PTPRN2: variants seen among roughly 807,000 people sequenced by gnomAD.
PTPRN2 encodes the protein receptor-type tyrosine-protein phosphatase N2.
In PTPRN2, 74 loss-of-function variants were observed where a neutral mutation model predicts 118.8. That is an observed-to-expected ratio of 0.62 (90% CI 0.52 to 0.76). The LOEUF is 0.76. PTPRN2 is among the 30% of genes least tolerant of loss of function. The probability of loss-of-function intolerance (pLI) is 0.00; values close to 1 mark genes in which losing one functional copy is unlikely to be tolerated. For missense variants in PTPRN2, 1,481 were observed against 1,394.4 expected (o/e 1.06, Z -0.99); for synonymous variants, 641 against 608.0 (o/e 1.05, Z -0.80).
At chr7:158,243,853 C>G (rs1272427016) in intron 3 of PTPRN2, among the ~76,000 whole-genome samples, 1 of 152,146 alleles carries the variant, frequency 6.6e-6, no homozygotes, top group Non-Finnish European at 1.5e-5. Context: ...CTAAGTACCT[C>G]CTAAATAGCA....
intron 1 of PTPRN2, among the ~76,000 whole-genome samples, chr7:158,561,072 C>G (rs1314791361): frequency 6.6e-6 from 1 of 152,196 alleles, no homozygotes; most frequent in Admixed American, 6.5e-5. Context: ...AGCCCTGTTT[C>G]TAATTTTAGT....
chr7:157,730,868 C>G (rs73744861), intron 12 of PTPRN2, among the ~76,000 whole-genome samples: 1 of 152,304 alleles, frequency 6.6e-6, no homozygotes, highest in African/African-American at 2.4e-5. Context: ...CGCCAGGGAC[C>G]TGGCAGCTCT....
Position 158,251,065 on chromosome 7 carries a change from T to C in PTPRN2, c.278-45792A>G, listed in dbSNP as rs1796623819. On this transcript the variant is annotated intron_variant, in intron 3 of 22. Transcript: ENST00000389418. ...AGACTCTAGGAGACAATTCCCTATCTAGGCTGGCATGAAATCCTAATGCAT... is the reference window on the plus strand; with the variant it reads ...AGACTCTAGGAGACAATTCCCTATCCAGGCTGGCATGAAATCCTAATGCAT... 2.0e-5 allele frequency among the ~76,000 whole-genome samples: 3 copies of C among 152,118 alleles called. No homozygotes were observed. The South Asian group carries it at 6.2e-4, about 32-fold the overall frequency.
At chr7:157,954,639 G>A (rs915673185) in intron 11 of PTPRN2, among the ~76,000 whole-genome samples, 3 of 152,058 alleles carry the variant, frequency 2.0e-5, no homozygotes, top group African/African-American at 7.3e-5. Flanking sequence ...GAGAGGAGTG[G>A]TCTCAGCCGG....
intron 2 of PTPRN2, among the ~76,000 whole-genome samples, chr7:158,391,575 G>A (rs113604188): frequency 7.9e-5 from 12 of 152,168 alleles, no homozygotes; most frequent in Admixed American, 6.5e-5. Context: ...CACCTACCCC[G>A]CAGGAGGAGA....
chr7:157,731,185 A>T (rs1194466831), intron 12 of PTPRN2, among the ~76,000 whole-genome samples: 1 of 152,030 alleles, frequency 6.6e-6, no homozygotes, highest in African/African-American at 2.4e-5. Context: ...ATCACTTCTT[A>T]GCATGCAAAA....
chr7:158,323,343 C>G (rs1485943535), intron 2 of PTPRN2, among the ~76,000 whole-genome samples: 1 of 152,116 alleles, frequency 6.6e-6, no homozygotes, highest in Admixed American at 6.5e-5. Context: ...CAGGGGGCCC[C>G]ACATTTCAGA....
intron 12 of PTPRN2, among the ~76,000 whole-genome samples, chr7:157,709,154 G>T (rs1039543547): frequency 6.6e-6 from 1 of 152,174 alleles, no homozygotes; most frequent in African/African-American, 2.4e-5. Flanking sequence ...CCCATGGCTG[G>T]GTGGGATTTT....
At chr7:158,329,486 G>A (rs1347247522) in intron 2 of PTPRN2, among the ~76,000 whole-genome samples, 1 of 152,144 alleles carries the variant, frequency 6.6e-6, no homozygotes, top group Non-Finnish European at 1.5e-5. Context: ...CCTTACACAG[G>A]CCCCAAGGAC....
At chr7:157,824,470 T>G (rs1807045269) in intron 12 of PTPRN2, among the ~76,000 whole-genome samples, 1 of 152,198 alleles carries the variant, frequency 6.6e-6, no homozygotes, top group Non-Finnish European at 1.5e-5. Flanking sequence ...TGTCCGTGGA[T>G]TCTCTGTGCC....
intron 12 of PTPRN2, among the ~76,000 whole-genome samples, chr7:157,867,974 G>A (rs1036048070): frequency 2.6e-5 from 4 of 152,170 alleles, no homozygotes; most frequent in African/African-American, 9.7e-5. Context: ...AGCCCAAGCT[G>A]CCCAGACTTC....
intron 11 of PTPRN2, among the ~76,000 whole-genome samples, chr7:157,982,123 A>T: frequency 8.0e-6 from 1 of 124,544 alleles, no homozygotes; most frequent in Non-Finnish European, 1.8e-5. Flanking sequence ...AAGGAGGGGA[A>T]TGCAGAGTGC....
chr7:157,939,823 G>A (rs2128789333), intron 11 of PTPRN2, among the ~76,000 whole-genome samples: 1 of 152,318 alleles, frequency 6.6e-6, no homozygotes, highest in African/African-American at 2.4e-5. Context: ...CACCCGAGAA[G>A]GAGAAGGTTG....
intron 10 of PTPRN2, among the ~76,000 whole-genome samples, chr7:158,081,932 A>T (rs1400845902): frequency 1.3e-5 from 2 of 152,220 alleles, no homozygotes; most frequent in African/African-American, 2.4e-5. Context: ...AAAATACCTT[A>T]CTTTTTAAAC....
rs746191349 is a variant in PTPRN2 at position 158,081,342 on chromosome 7, G to A, written c.1679C>T (p.Ala560Val). 2.5e-6 allele frequency: 4 copies of A among 1,614,146 alleles called. No homozygotes were observed. The highest frequency in any genetic ancestry group is 8.5e-7 in the Non-Finnish European group (1 of 1,180,014). ...CTCAGTGGTCACGTTTTGGACATTG[G>A]CGCTCACTTTGAAGGTCACTGCTGG... The part of the protein sequence containing the change: ...LGPAVTFKVS[A>V]NVQNVTTEDV... The change falls in exon 11 of 23, where the codon GCC becomes GTC. Residue 560 changes from alanine (A) to valine (V), a missense_variant. Ala to Val is a moderately conservative substitution (Grantham distance 64). Coordinates refer to ENST00000389418, the MANE Select transcript of PTPRN2 (RefSeq NM_002847.5).
intron 12 of PTPRN2, among the ~76,000 whole-genome samples, chr7:157,771,963 G>GAC (rs1203747007): frequency 8.0e-6 from 1 of 125,032 alleles, no homozygotes; most frequent in African/African-American, 3.7e-5. Flanking sequence ...CATACAGACA[G>GAC]ACACACACAC....
intron 12 of PTPRN2, among the ~76,000 whole-genome samples, chr7:157,883,525 T>C (rs188395854): frequency 7.6e-4 from 99 of 129,876 alleles, no homozygotes; most frequent in African/African-American, 2.9e-3. Context: ...CTGTTGGAGA[T>C]CAGAACACGT....
intron 2 of PTPRN2, among the ~76,000 whole-genome samples, chr7:158,358,195 G>C (rs764143388): frequency 1.3e-5 from 2 of 152,178 alleles, no homozygotes; most frequent in Non-Finnish European, 2.9e-5. Context: ...ACCAACCACA[G>C]GGAGACCTGA....
At chr7:157,879,325 G>T (rs1795981968) in intron 12 of PTPRN2, among the ~76,000 whole-genome samples, 1 of 152,170 alleles carries the variant, frequency 6.6e-6, no homozygotes, top group Non-Finnish European at 1.5e-5. Context: ...CATGAGAACA[G>T]CAGGAACACA....
Sources: allele counts gnomAD v4.1 joint callset (sites outside exome capture counted in the v4.1 genomes callset), GRCh38; gene constraint gnomAD v4.1.1; transcripts MANE v1.5; gene names NCBI Gene and HGNC (gene_info 2026-07-23, HGNC 2026-07-21).